The following KHSRP variants were observed in gnomAD, a reference collection of about 807,000 sequenced individuals.
KHSRP encodes KH-type splicing regulatory protein, also known as far upstream element-binding protein 2.
In KHSRP, 13 loss-of-function variants were observed where a neutral mutation model predicts 94.9. The observed-to-expected ratio is 0.14, with a 90% CI of 0.09 to 0.22. The LOEUF (loss-of-function observed/expected upper bound fraction) is 0.22, where lower values mean the gene tolerates loss of function less well. Ranked by LOEUF, KHSRP falls within the 10% of genes least tolerant of loss-of-function variation. KHSRP has a pLI of 1.00. For missense variants in KHSRP, 710 were observed against 1,010.0 expected (o/e 0.70, Z 4.03); for synonymous variants, 495 against 401.4 (o/e 1.23, Z -2.79).
Position 6,415,375 on chromosome 19 carries a change from C to T in KHSRP, c.1966+5G>A. On this transcript the variant is annotated splice_donor_5th_base_variant and intron_variant, in intron 18 of 18. Transcript: ENST00000600480. ...TGCCCCTGTCCCCGCATGGTGGCCA[C>T]TCACCTTGCTTCTTGTAGTACTCCT... 6.2e-7 allele frequency: 1 copy of T among 1,606,116 alleles called. No individual in the cohort carries two copies. The highest frequency in any genetic ancestry group is 8.5e-7 in the Non-Finnish European group (1 of 1,176,444).
At chr19:6,423,029 C>T (rs1248470491) in intron 1 of KHSRP, among the ~76,000 whole-genome samples, 1 of 152,206 alleles carries the variant, frequency 6.6e-6, no homozygotes, top group Non-Finnish European at 1.5e-5. Context: ...CCTGTAATCC[C>T]AGCATTTTGG....
chr19:6,420,736 A>C (rs917548823), intron 4 of KHSRP, among the ~76,000 whole-genome samples: 2 of 152,336 alleles, frequency 1.3e-5, no homozygotes, highest in Non-Finnish European at 2.9e-5. Flanking sequence ...TATGTCTCTC[A>C]GTTCTAAAAA....
rs1037225918 is a variant in KHSRP, at chr19:6,414,920, C to T, written c.*104G>A. ...GCGGCACACAGGAACAAGCAGCCGGCGCAGGGAGGCCTCTTCGTTTAACCT... is the reference window on the plus strand; with the variant it reads ...GCGGCACACAGGAACAAGCAGCCGGTGCAGGGAGGCCTCTTCGTTTAACCT... On this transcript the variant is annotated 3_prime_UTR_variant, in exon 19 of 19. Transcript: ENST00000600480. The T allele has an allele frequency of 2.0e-5, 28 of 1,400,106 alleles. 1 individual carries two copies. Among genetic ancestry groups the T allele is most frequent in the Non-Finnish European group, 2.5e-5 (27 of 1,082,626 alleles). 86.7% of individuals were successfully genotyped at this position (1,400,106 alleles called of 1,614,324 possible).
chr19:6,420,468 A>G lies in KHSRP; in HGVS notation c.429T>C (p.Thr143=), dbSNP rs1349775041. 14 of 1,613,860 alleles carry G rather than the reference A, an allele frequency of 8.7e-6. No homozygotes were observed. Among genetic ancestry groups the G allele is most frequent in the Non-Finnish European group, 1.2e-5 (14 of 1,179,868 alleles). ...GGACCCTGTACTCTTCTGTCATTGA[A>G]GTCCTGTAAAGAGACACGCCAAAGG... ...QLGPIHPPPR[T]SMTEEYRVPD... Residue 143 remains threonine, a synonymous_variant, in exon 5 of 19, where the codon ACT becomes ACC. Coordinates refer to ENST00000600480, the MANE Select transcript of KHSRP (RefSeq NM_001366299.1).
At chr19:6,421,447 C>T in intron 3 of KHSRP, 130 bp from the exon 4 acceptor site, 1 of 1,034,642 alleles carries the variant, frequency 9.7e-7, no homozygotes, top group Non-Finnish European at 1.4e-6. Flanking sequence ...CTCATGGATG[C>T]TGTGGATTCC....
intron 6 of KHSRP, 148 bp from the exon 7 acceptor site, chr19:6,419,408 G>A: frequency 1.5e-6 from 1 of 676,056 alleles, no homozygotes; most frequent in Non-Finnish European, 2.4e-6. Context: ...CTAAACACCT[G>A]GGAGGCTGCT....
At chr19:6,424,082 TG>T (rs1435823283) in intron 1 of KHSRP, 2 of 152,334 alleles carry the variant, frequency 1.3e-5, no homozygotes, top group Admixed American at 1.3e-4. Context: ...CACTGCCCTT[TG>T]CCCTGATATG....
At chr19:6,421,777 A>G (rs1406553960) in intron 2 of KHSRP, 89 bp from the exon 3 acceptor site, 9 of 1,487,684 alleles carry the variant, frequency 6.0e-6, no homozygotes, top group Non-Finnish European at 8.4e-6. Context: ...CAAGGTAAAC[A>G]GTGCCCCTCG....
At position 6,418,339 on chromosome 19, in the gene KHSRP, G is replaced by A. The variant is rs117689481; in HGVS notation, c.879+144C>T. The A allele has an allele frequency of 0.013, 9,018 of 685,912 alleles. 94 individuals carry two copies. The highest frequency in any genetic ancestry group is 0.028 in the South Asian group (1,613 of 56,848). 42.5% of individuals were successfully genotyped at this position (685,912 alleles called of 1,614,324 possible). A position where few individuals can be genotyped will look rare whatever the true frequency, so the allele number is the denominator to read the frequency against. On this transcript the variant is annotated intron_variant, in intron 9 of 18. Coordinates refer to ENST00000600480, the MANE Select transcript of KHSRP (RefSeq NM_001366299.1). The surrounding 1 kb of genome is among the most constrained non-coding windows in gnomAD (Gnocchi z 4.3). The stretch of plus-strand genomic sequence containing the variant: ...GGGAGTCAGTTCAGGGCCATCCTAC[G>A]AGCCAGCGCTCTTGCAAGCCTCTTG...
chr19:6,417,116 A>T, intron 11 of KHSRP, 29 bp from the exon 12 acceptor site: 1 of 1,565,448 alleles, frequency 6.4e-7, no homozygotes, highest in Non-Finnish European at 8.6e-7. Flanking sequence ...GAGCAGAGAC[A>T]CAAGTTTAAA....
chr19:6,415,112 G>C lies in KHSRP; in HGVS notation c.2156C>G (p.Pro719Arg), dbSNP rs1181942059. The C allele has an allele frequency of 6.3e-7, 1 of 1,596,982 alleles. No homozygotes were observed. Among genetic ancestry groups the C allele is most frequent in the Admixed American group, 1.7e-5 (1 of 59,024 alleles). The change falls in exon 19 of 19, where the codon CCT becomes CGT. Residue 719 changes from proline to arginine, a missense_variant. Coordinates refer to ENST00000600480, the MANE Select transcript of KHSRP (RefSeq NM_001366299.1). ...GGCCGGGGGTTGGAAGGAGAAAGGA[G>C]GAGGAGGAGGGTGGCAATTCCCACT... ...QASGNCHPPP[P>R]PFSFQPPATV...
chr19:6,424,243 G>C (rs1157682449), intron 1 of KHSRP: 3 of 154,266 alleles, frequency 1.9e-5, no homozygotes, highest in African/African-American at 7.3e-5. Context: ...GTGACCCCCA[G>C]TGCGCCCCTA....
intron 11 of KHSRP, 46 bp downstream of exon 11, chr19:6,417,693 A>AGGGT (rs1252813025): frequency 6.5e-7 from 1 of 1,531,220 alleles, no homozygotes; most frequent in Admixed American, 1.7e-5. Context: ...CCTCCCAAAG[A>AGGGT]GGGTGGGGGT....
rs2087079658 is a variant in KHSRP at position 6,420,590 on chromosome 19, C to A, written c.426-119G>T. 1.0e-5 allele frequency: 9 copies of A among 887,150 alleles called. No individual in the cohort carries two copies. In the Admixed American group the frequency reaches 1.6e-4, roughly 16 times the overall value. 55.0% of individuals were successfully genotyped at this position (887,150 alleles called of 1,614,324 possible). ...TCTAAGCAGAGTCTGACCACACAGG[C>A]CACAAAACTGCCAAGGCCTCAGTTT... On this transcript the variant is annotated intron_variant, in intron 4 of 18. Coordinates refer to ENST00000600480, the MANE Select transcript of KHSRP (RefSeq NM_001366299.1).
At position 6,413,515 on chromosome 19, in the gene KHSRP, GAGCTGAGCCA is replaced by G; in HGVS notation, c.*1499_*1508del. 1 of 329,166 alleles carries G rather than the reference GAGCTGAGCCA, an allele frequency of 3.0e-6. No individual in the cohort carries two copies. The highest frequency in any genetic ancestry group is 6.3e-6 in the Non-Finnish European group (1 of 159,918). 20.4% of individuals were successfully genotyped at this position (329,166 alleles called of 1,614,324 possible). ...GGAGGGGGGACGGGCGGGGCCGCGG[GAGCTGAGCCA>G]GGGCGGGAGGGAGAGAAGAGGGGGC... is the stretch of plus-strand genomic sequence containing the variant. On this transcript the variant is annotated 3_prime_UTR_variant, in exon 19 of 19. Coordinates refer to ENST00000600480, the MANE Select transcript of KHSRP (RefSeq NM_001366299.1).
At position 6,421,312 on chromosome 19, in the gene KHSRP, T is replaced by C; in HGVS notation, c.391A>G (p.Ser131Gly). ...GGATGGATGGGTCCAAGTTGAGAACTGATTGCTGTAGAGAGAAAACCCAAA... is the reference window on the plus strand; with the variant it reads ...GGATGGATGGGTCCAAGTTGAGAACCGATTGCTGTAGAGAGAAAACCCAAA... Reference protein sequence around the residue: ...KKLASQGDSISSQLGPIHPPP... With the variant: ...KKLASQGDSIGSQLGPIHPPP... The change falls in exon 4 of 19, where the codon AGT (serine) becomes GGT (glycine). Residue 131 changes from serine (S) to glycine (G), a missense_variant. This residue lies in a region of KHSRP where 288 missense variants were observed against 501.1 expected (regional missense o/e 0.57). Coordinates refer to ENST00000600480, the MANE Select transcript of KHSRP (RefSeq NM_001366299.1). 6.3e-7 allele frequency: 1 copy of C among 1,588,840 alleles called. No individual in the cohort carries two copies. Among genetic ancestry groups the C allele is most frequent in the Non-Finnish European group, 8.6e-7 (1 of 1,167,904 alleles).
chr19:6,417,225 G>T, intron 11 of KHSRP, 138 bp from the exon 12 acceptor site: 1 of 688,406 alleles, frequency 1.5e-6, no homozygotes, highest in Non-Finnish European at 2.4e-6. Context: ...GCCTCCACTC[G>T]CTCAGGGATT....
At chr19:6,419,579 C>T (rs918532489) in intron 6 of KHSRP, among the ~76,000 whole-genome samples, 4 of 152,190 alleles carry the variant, frequency 2.6e-5, no homozygotes, top group Admixed American at 1.3e-4. Context: ...ACGTGCTACA[C>T]GCCCAAGGAA....
At position 6,413,364 on chromosome 19, in the gene KHSRP, T is replaced by G; in HGVS notation, c.*1660A>C. On this transcript the variant is annotated 3_prime_UTR_variant, in exon 19 of 19. Coordinates refer to ENST00000600480, the MANE Select transcript of KHSRP (RefSeq NM_001366299.1). ...GCAGACGGGGAGGTTTTGTTATCAT[T>G]TATTTGTGAAGTTAAAAACGAGCGA... 1 of 397,122 alleles carries G rather than the reference T, an allele frequency of 2.5e-6. No homozygotes were observed. The allele number at this position is 397,122 out of a possible 1,614,324, so 24.6% of individuals were successfully genotyped here. A position where few individuals can be genotyped will look rare whatever the true frequency, so the allele number is the denominator to read the frequency against.
Sources: gnomAD v4.1 joint callset for allele counts (sites outside exome capture counted in the v4.1 genomes callset) on GRCh38, gnomAD v4.1.1 for gene constraint, gnomAD v4.1.1 regional missense constraint, Gnocchi (gnomAD v3.1) non-coding constraint, MANE v1.5 for transcripts, NCBI Gene and HGNC (gene_info 2026-07-23, HGNC 2026-07-21) for gene names.